ROBO1: variants seen among roughly 807,000 people sequenced by gnomAD.
ROBO1 encodes the protein roundabout homolog 1.
ROBO1 carries 149 observed loss-of-function variants against 195.9 expected under a neutral mutation model. The observed-to-expected ratio is 0.76, with a 90% CI of 0.67 to 0.87. The LOEUF (loss-of-function observed/expected upper bound fraction) is 0.87. ROBO1 is among the 40% of genes least tolerant of loss of function. ROBO1 has a pLI of 0.00. For missense variants in ROBO1, 1,933 were observed against 2,068.3 expected, an observed-to-expected ratio of 0.93 and a Z score of 1.27; for synonymous variants, 816 against 733.2, an observed-to-expected ratio of 1.11 and a Z score of -1.82.
chr3:79,714,732 A>G (rs921079795), intron 1 of ROBO1, among the ~76,000 whole-genome samples: 11 of 151,768 alleles, frequency 7.2e-5, no homozygotes, highest in Admixed American at 1.3e-4. Context: ...CATCATTCTC[A>G]GCAAACTATC....
At chr3:79,750,997 A>C (rs1370289808) in intron 1 of ROBO1, among the ~76,000 whole-genome samples, 1 of 152,190 alleles carries the variant, frequency 6.6e-6, no homozygotes, top group African/African-American at 2.4e-5. Flanking sequence ...AGAAATAATT[A>C]CTTTAAAATA....
intron 3 of ROBO1, among the ~76,000 whole-genome samples, chr3:79,078,661 C>A (rs965348075): frequency 6.6e-6 from 1 of 151,628 alleles, no homozygotes; most frequent in Non-Finnish European, 1.5e-5. Flanking sequence ...TGTGGTAAAA[C>A]GTCATCTCAA....
At chr3:79,621,349 T>C (rs187429679) in intron 1 of ROBO1, among the ~76,000 whole-genome samples, 176 of 152,288 alleles carry the variant, frequency 1.2e-3, no homozygotes, top group African/African-American at 4.1e-3. Flanking sequence ...TGACTCCTTT[T>C]TCGGACTCAG....
chr3:79,714,917 G>T (rs1390623174), intron 1 of ROBO1, among the ~76,000 whole-genome samples: 2 of 150,972 alleles, frequency 1.3e-5, no homozygotes, highest in East Asian at 1.9e-4. Flanking sequence ...GTTAATGGGT[G>T]CAGCACACCA....
intron 2 of ROBO1, among the ~76,000 whole-genome samples, chr3:79,553,567 C>T (rs985502935): frequency 6.6e-6 from 1 of 151,958 alleles, no homozygotes; most frequent in Non-Finnish European, 1.5e-5. Flanking sequence ...ATGACATACA[C>T]ATTATGTACA....
intron 2 of ROBO1, among the ~76,000 whole-genome samples, chr3:79,393,883 A>G (rs537393817): frequency 6.6e-6 from 1 of 152,282 alleles, no homozygotes; most frequent in South Asian, 2.1e-4. Flanking sequence ...TCTGAATAAC[A>G]TCTGTGAAGA....
At chr3:79,073,549 G>A (rs2079122640) in intron 3 of ROBO1, among the ~76,000 whole-genome samples, 1 of 151,804 alleles carries the variant, frequency 6.6e-6, no homozygotes, top group Non-Finnish European at 1.5e-5. Flanking sequence ...CTACCATGCA[G>A]TCTTTGATAG....
At chr3:79,668,780 GT>G (rs1284818051) in intron 1 of ROBO1, among the ~76,000 whole-genome samples, 17 of 151,844 alleles carry the variant, frequency 1.1e-4, no homozygotes, top group African/African-American at 3.9e-4. Flanking sequence ...CAATTTTTGA[GT>G]TTTATAATTT....
At chr3:78,717,505 T>A in intron 6 of ROBO1, 92 bp from the exon 7 acceptor site, 1 of 1,200,462 alleles carries the variant, frequency 8.3e-7, no homozygotes, top group Non-Finnish European at 1.2e-6. Flanking sequence ...ATTTTTAATT[T>A]AAAATATCAG....
At chr3:79,658,875 TA>T (rs1427900104) in intron 1 of ROBO1, among the ~76,000 whole-genome samples, 1 of 151,862 alleles carries the variant, frequency 6.6e-6, no homozygotes, top group Admixed American at 6.6e-5. Flanking sequence ...TAGCTGAGAT[TA>T]CAGTCATGTG....
At chr3:79,730,998 C>T (rs1373215277) in intron 1 of ROBO1, among the ~76,000 whole-genome samples, 6 of 151,860 alleles carry the variant, frequency 4.0e-5, no homozygotes, top group African/African-American at 1.5e-4. Context: ...AGGATGGTCT[C>T]GATCTCCTGA....
intron 4 of ROBO1, among the ~76,000 whole-genome samples, chr3:78,909,310 A>G (rs957941703): frequency 3.3e-5 from 5 of 151,984 alleles, no homozygotes; most frequent in Middle Eastern, 6.8e-3. Context: ...GCATATATAT[A>G]CAATAATAAT....
At chr3:78,980,992 T>C (rs1036170605) in intron 3 of ROBO1, among the ~76,000 whole-genome samples, 1 of 152,198 alleles carries the variant, frequency 6.6e-6, no homozygotes, top group Non-Finnish European at 1.5e-5. Flanking sequence ...GTCATTCGTA[T>C]AAAACATGGG....
At chr3:79,097,872 T>A (rs1354743947) in intron 3 of ROBO1, among the ~76,000 whole-genome samples, 1 of 151,582 alleles carries the variant, frequency 6.6e-6, no homozygotes, top group African/African-American at 2.4e-5. Flanking sequence ...TTTAATCCTG[T>A]TCAACCTGTG....
chr3:78,719,315 G>A (rs2684376), intron 5 of ROBO1, among the ~76,000 whole-genome samples: 146,823 of 152,242 alleles, frequency 0.96, 70,817 homozygotes, highest in African/African-American at 0.98. Context: ...TATAAGGTTT[G>A]TAACAGTTAT....
At chr3:79,607,508 AG>A (rs1480456813) in intron 1 of ROBO1, among the ~76,000 whole-genome samples, 2 of 151,664 alleles carry the variant, frequency 1.3e-5, no homozygotes, top group Admixed American at 6.6e-5. Flanking sequence ...GAGTTTCCTA[AG>A]AAGTAACAGA....
At chr3:79,697,952 T>A (rs1256069707) in intron 1 of ROBO1, among the ~76,000 whole-genome samples, 1 of 151,486 alleles carries the variant, frequency 6.6e-6, no homozygotes, top group Non-Finnish European at 1.5e-5. Context: ...AAATCTAATA[T>A]TTTTAAAACA....
chr3:79,559,028 G>A lies in ROBO1; in HGVS notation c.88+30796C>T, dbSNP rs563910636. ...ACCTAACGTAGTATGTAAACAAGCC[G>A]CAACTTAACCTAGTAGTATATTTTT... On this transcript the variant is annotated intron_variant, in intron 2 of 30. Coordinates refer to ENST00000464233, the MANE Select transcript of ROBO1 (RefSeq NM_002941.4). Among the ~76,000 whole-genome samples the A allele has an allele frequency of 3.3e-3, 501 of 152,212 alleles. 2 individuals are homozygous for A. The highest frequency in any genetic ancestry group is 0.011 in the African/African-American group (445 of 41,528).
intron 2 of ROBO1, among the ~76,000 whole-genome samples, chr3:79,398,238 G>A (rs2037225303): frequency 6.6e-6 from 1 of 151,942 alleles, no homozygotes. Flanking sequence ...TATGTAATAA[G>A]CTATCACATA....
Sources: allele counts gnomAD v4.1 joint callset (sites outside exome capture counted in the v4.1 genomes callset), GRCh38; gene constraint gnomAD v4.1.1; transcripts MANE v1.5; gene names NCBI Gene and HGNC (gene_info 2026-07-23, HGNC 2026-07-21).